SSPN: variants seen among roughly 807,000 people sequenced by gnomAD.
The protein encoded by SSPN is sarcospan.
A neutral mutation model predicts 19.1 loss-of-function variants in SSPN; 15 were observed. The ratio of observed to expected loss-of-function variants is 0.78; its 90% CI spans 0.52 to 1.21. The LOEUF is 1.21. SSPN is among the 50% of genes most tolerant of loss of function. The pLI is 0.00. For missense variants in SSPN, 291 were observed against 314.0 expected (o/e 0.93, Z 0.55); for synonymous variants, 147 against 140.3 (o/e 1.05, Z -0.34).
At chr12:26,191,284 G>A (rs1423479520), upstream of SSPN, among the ~76,000 whole-genome samples, 1 of 152,200 alleles carries the variant, frequency 6.6e-6, no homozygotes, top group African/African-American at 2.4e-5. Flanking sequence ...TGAAATGCAT[G>A]ATTAAATGAT....
chr12:26,163,688 C>T (rs948299479), intron 1 of SSPN, among the ~76,000 whole-genome samples: 1 of 152,110 alleles, frequency 6.6e-6, no homozygotes, highest in African/African-American at 2.4e-5. Flanking sequence ...CTTAAAGGCC[C>T]CACCTCTTAA....
chr12:26,219,187 CAAAT>C (rs1389295248), intron 1 of SSPN, among the ~76,000 whole-genome samples: 1 of 152,052 alleles, frequency 6.6e-6, no homozygotes, highest in Non-Finnish European at 1.5e-5. Context: ...AAGAAGAAAA[CAAAT>C]AAATTGGAGG....
At chr12:26,152,448 T>G (rs1600518) in intron 1 of SSPN, among the ~76,000 whole-genome samples, 148,488 of 152,242 alleles carry the variant, frequency 0.98, 72,516 homozygotes, top group East Asian at 1. Flanking sequence ...TTAGCAACTG[T>G]CTTGCAAAAT....
chr12:26,204,253 C>T (rs1405737907), intron 1 of SSPN, among the ~76,000 whole-genome samples: 2 of 152,072 alleles, frequency 1.3e-5, no homozygotes, highest in Non-Finnish European at 2.9e-5. Context: ...TGGGGTGGCG[C>T]GGCTCCGTGC....
chr12:26,204,634 GC>G, intron 1 of SSPN, among the ~76,000 whole-genome samples: 1 of 151,338 alleles, frequency 6.6e-6, no homozygotes, highest in South Asian at 2.1e-4. Context: ...CCCCCCACCC[GC>G]CCTTTGAGCC....
rs187919831 is a variant in SSPN at position 26,140,772 on chromosome 12, C to T, written c.-31+18620C>T. 4.4e-4 allele frequency among the ~76,000 whole-genome samples: 67 copies of T among 152,306 alleles called. 1 individual carries two copies. Among genetic ancestry groups the T allele is most frequent in the African/African-American group, 1.6e-3 (65 of 41,566 alleles). ...GGCCTCCCCAGCCATGCTGCTTGTA[C>T]TGCCTGCAGAACAGTGAACCAATTA... On this transcript the variant is annotated intron_variant, in intron 1 of 2. Transcript: ENST00000538142.
chr12:26,196,359 G>T (rs1418793492), intron 1 of SSPN, among the ~76,000 whole-genome samples: 1 of 152,230 alleles, frequency 6.6e-6, no homozygotes, highest in African/African-American at 2.4e-5. Context: ...TTCATCTAGT[G>T]AAAGCAGGAG....
rs536579338 is a variant in SSPN, at chr12:26,146,426, C to T, written c.-31+24274C>T. ...ACATTTATGCTGTTAAATAGTACCA[C>T]CTAGAAGTGATTCTTTCCTATCAGT... On this transcript the variant is annotated intron_variant, in intron 1 of 2. Coordinates refer to the SSPN transcript ENST00000538142. Among the ~76,000 whole-genome samples, 40 of 152,300 alleles carry T rather than the reference C, an allele frequency of 2.6e-4. No individual in the cohort carries two copies. The South Asian group carries it at 7.1e-3, about 27-fold the overall frequency.
At chr12:26,204,258 C>A (rs1944911452) in intron 1 of SSPN, among the ~76,000 whole-genome samples, 1 of 152,120 alleles carries the variant, frequency 6.6e-6, no homozygotes, top group Admixed American at 6.5e-5. Context: ...TGGCGCGGCT[C>A]CGTGCTCATG....
intron 1 of SSPN, among the ~76,000 whole-genome samples, chr12:26,196,388 G>A (rs1226254498): frequency 6.6e-6 from 1 of 152,196 alleles, no homozygotes; most frequent in Non-Finnish European, 1.5e-5. Flanking sequence ...GCCTGTACTT[G>A]GAGTTGCCAC....
intron 1 of SSPN, among the ~76,000 whole-genome samples, chr12:26,157,318 C>A (rs4963965): frequency 0.039 from 5,900 of 152,290 alleles, 148 homozygotes; most frequent in South Asian, 0.069. Context: ...GAAGGCAGTT[C>A]TTTGATGGCT....
chr12:26,140,183 T>C (rs1335031379), intron 1 of SSPN, among the ~76,000 whole-genome samples: 1 of 152,352 alleles, frequency 6.6e-6, no homozygotes, highest in African/African-American at 2.4e-5. Flanking sequence ...AATAACTGTA[T>C]GAAATCATGA....
At chr12:26,197,226 T>G (rs1944837958) in intron 1 of SSPN, among the ~76,000 whole-genome samples, 2 of 152,216 alleles carry the variant, frequency 1.3e-5, no homozygotes, top group South Asian at 2.1e-4. Context: ...GGACAGACAT[T>G]AGAGAGACCT....
At chr12:26,174,857 C>A (rs1944675067) in intron 1 of SSPN, among the ~76,000 whole-genome samples, 1 of 152,170 alleles carries the variant, frequency 6.6e-6, no homozygotes, top group Non-Finnish European at 1.5e-5. Context: ...GATCTACTTT[C>A]TGCCTCTATA....
chr12:26,212,004 G>A (rs1415999195), intron 1 of SSPN, among the ~76,000 whole-genome samples: 1 of 152,112 alleles, frequency 6.6e-6, no homozygotes, highest in East Asian at 1.9e-4. Context: ...CAAAGTACTG[G>A]TGAATCCATT....
intron 1 of SSPN, among the ~76,000 whole-genome samples, chr12:26,221,326 G>A (rs1945118294): frequency 6.6e-6 from 1 of 152,120 alleles, no homozygotes; most frequent in Non-Finnish European, 1.5e-5. Context: ...TATTCCTATA[G>A]CAGATGTAGT....
chr12:26,199,568 G>A (rs957439750), intron 1 of SSPN, among the ~76,000 whole-genome samples: 1 of 152,214 alleles, frequency 6.6e-6, no homozygotes, highest in Admixed American at 6.5e-5. Flanking sequence ...ACAGAGAAGT[G>A]TGTTCTGCAT....
chr12:26,125,253 C>G (rs892763087), intron 1 of SSPN: 1 of 236,158 alleles, frequency 4.2e-6, no homozygotes, highest in African/African-American at 2.3e-5. Flanking sequence ...AGCTATTCAT[C>G]TTCCCAAAGG....
chr12:26,170,366 A>G (rs1944647111), intron 1 of SSPN, among the ~76,000 whole-genome samples: 1 of 152,232 alleles, frequency 6.6e-6, no homozygotes, highest in African/African-American at 2.4e-5. Context: ...ACTTGTCTTC[A>G]GATCTATGGC....
Sources: allele counts gnomAD v4.1 joint callset (sites outside exome capture counted in the v4.1 genomes callset), GRCh38; gene constraint gnomAD v4.1.1; transcripts MANE v1.5; gene names NCBI Gene and HGNC (gene_info 2026-07-23, HGNC 2026-07-21).